The following CIZ1 variants were observed in gnomAD, a reference collection of about 807,000 sequenced individuals.
CIZ1 encodes the protein cip1-interacting zinc finger protein.
A neutral mutation model predicts 118.6 loss-of-function variants in CIZ1; 58 were observed. That is an observed-to-expected ratio of 0.49 (90% confidence interval 0.40 to 0.61). The LOEUF (loss-of-function observed/expected upper bound fraction) is 0.61, where lower values mean the gene tolerates loss of function less well. Ranked by LOEUF, CIZ1 falls within the 20% of genes least tolerant of loss-of-function variation. The pLI is 0.00. For synonymous variants in CIZ1, 448 were observed against 443.4 expected (o/e 1.01, Z -0.13); for missense variants, 921 against 1,115.9 (o/e 0.83, Z 2.49).
At chr9:128,170,526 G>A (rs1361970866) in intron 11 of CIZ1, among the ~76,000 whole-genome samples, 2 of 152,114 alleles carry the variant, frequency 1.3e-5, no homozygotes, top group African/African-American at 2.4e-5. Flanking sequence ...GGTGGCTCAT[G>A]CACCTGTGGT....
intron 7 of CIZ1, among the ~76,000 whole-genome samples, chr9:128,180,087 C>G (rs1163312132): frequency 6.6e-6 from 1 of 152,174 alleles, no homozygotes; most frequent in African/African-American, 2.4e-5. Flanking sequence ...TCGTTCTCAC[C>G]TCCCACAACT....
chr9:128,170,028 C>G lies in CIZ1; in HGVS notation c.2023G>C (p.Asp675His), dbSNP rs769352644. 1.2e-6 allele frequency: 2 copies of G among 1,613,406 alleles called. No individual in the cohort carries two copies. Among genetic ancestry groups the G allele is most frequent in the Non-Finnish European group, 1.7e-6 (2 of 1,179,832 alleles). Residue 675 changes from aspartate to histidine, a missense_variant, in exon 12 of 17, where the codon GAC becomes CAC. Asp to His is a moderately conservative substitution (Grantham distance 81). Coordinates refer to ENST00000372938, the MANE Select transcript of CIZ1 (RefSeq NM_001131016.2). ...GDLIQHRRTQ[D>H]HKIAKQSLRP... ...CGTGCAGGCCCTCCTACCTTGTGGT[C>G]CTGTGTCCTGCGGTGTTGGATCAGG...
At position 128,203,924 on chromosome 9, in the gene CIZ1, A is replaced by C; in HGVS notation, c.-6+262T>G. On this transcript the variant is annotated intron_variant, in intron 1 of 17. Coordinates refer to the CIZ1 transcript ENST00000372948. The surrounding 1 kb of genome is among the most constrained non-coding windows in gnomAD (Gnocchi z 5.3). Reference sequence around the variant, plus strand: ...AACGCTCTGCCAGAAGCCCCGGGCAAAGAGCTGCCCCCCGCCCCCAACATG... The same window carrying C: ...AACGCTCTGCCAGAAGCCCCGGGCACAGAGCTGCCCCCCGCCCCCAACATG... The C allele has an allele frequency of 5.1e-6, 1 of 196,870 alleles. No homozygotes were observed. The highest frequency in any genetic ancestry group is 1.0e-5 in the Non-Finnish European group (1 of 97,908). 12.2% of individuals were successfully genotyped at this position (196,870 alleles called of 1,614,324 possible).
Position 128,191,517 on chromosome 9 carries a change from CGG to C in CIZ1, c.-93_-92del. Reference sequence around the variant, plus strand: ...CCCCCACGCCTCGGCCGGGCGGCTCCGGCCCGCGGGCTCCCGGCCTCCCCGCT... The same window carrying C: ...CCCCCACGCCTCGGCCGGGCGGCTCCCCCGCGGGCTCCCGGCCTCCCCGCT... On this transcript the variant is annotated 5_prime_UTR_variant, in exon 1 of 17. Transcript: ENST00000372938. This position sits in a 1 kb window ranked among gnomAD's most constrained non-coding sequence, Gnocchi z 5.5. 1 of 1,011,262 alleles carries C rather than the reference CGG, an allele frequency of 9.9e-7. No homozygotes were observed. The highest frequency in any genetic ancestry group is 1.2e-6 in the Non-Finnish European group (1 of 846,916). 62.6% of individuals were successfully genotyped at this position (1,011,262 alleles called of 1,614,324 possible).
chr9:128,193,733 C>T (rs1833306084), upstream of CIZ1, among the ~76,000 whole-genome samples: 1 of 151,998 alleles, frequency 6.6e-6, no homozygotes, highest in African/African-American at 2.4e-5. Flanking sequence ...CAAAGACTGC[C>T]CAGGCTGCCA....
At chr9:128,187,747 C>A in intron 4 of CIZ1, 116 bp downstream of exon 4, 2 of 338,262 alleles carry the variant, frequency 5.9e-6, no homozygotes, top group Non-Finnish European at 1.1e-5. Flanking sequence ...ATAAAATGTT[C>A]AATTGCACTA....
At position 128,187,321 on chromosome 9, in the gene CIZ1, G is replaced by A. The variant is rs144692348; in HGVS notation, c.358+542C>T. Among the ~76,000 whole-genome samples, 1,410 of 152,304 alleles carry A rather than the reference G, an allele frequency of 9.3e-3. 25 individuals carry two copies. The highest frequency in any genetic ancestry group is 0.033 in the African/African-American group (1,353 of 41,564). ...CCCAGAGCTTGGGAAGTATTTAAGG[G>A]ATGAAAGGCAGTTGGAACTCTTGCC... On this transcript the variant is annotated intron_variant, in intron 4 of 16. Transcript: ENST00000372938.
Position 128,166,244 on chromosome 9 carries a change from G to T in CIZ1, c.2650C>A (p.Pro884Thr). 1 of 1,527,058 alleles carries T rather than the reference G, an allele frequency of 6.5e-7. No individual in the cohort carries two copies. The highest frequency in any genetic ancestry group is 8.8e-7 in the Non-Finnish European group (1 of 1,130,600). 94.6% of individuals were successfully genotyped at this position (1,527,058 alleles called of 1,614,324 possible). A position where few individuals can be genotyped will look rare whatever the true frequency, so the allele number is the denominator to read the frequency against. The stretch of plus-strand genomic sequence containing the variant: ...CGCCGAGGTAGTGGGGGCTGGGAGG[G>T]TCGAGCCGTCACCTTGCTGGGTGTT... ...DKTPSKVTAR[P>T]SQPPLPRRST... The change falls in exon 17 of 17, where the codon CCC becomes ACC. Residue 884 changes from proline (P) to threonine (T), a missense_variant. Coordinates refer to ENST00000372938, the MANE Select transcript of CIZ1 (RefSeq NM_001131016.2). This position sits in a 1 kb window ranked among gnomAD's most constrained non-coding sequence, Gnocchi z 4.4.
chr9:128,179,102 C>T lies in CIZ1; in HGVS notation c.1105G>A (p.Ala369Thr), dbSNP rs1256765756. 1 of 1,613,976 alleles carries T rather than the reference C, an allele frequency of 6.2e-7. No homozygotes were observed. Among genetic ancestry groups the T allele is most frequent in the Non-Finnish European group, 8.5e-7 (1 of 1,179,872 alleles). The change falls in exon 8 of 17, where the codon GCA becomes ACA. Residue 369 changes from alanine (A) to threonine (T), a missense_variant. Coordinates refer to ENST00000372938, the MANE Select transcript of CIZ1 (RefSeq NM_001131016.2). ...GGCTGCACCTGCTTCTGTGGCTCTG[C>T]CTCCTGCTGCAGCTGTGGCTGCACC... ...KQVQPQLQQE[A>T]EPQKQVQPQV... is the part of the protein sequence containing the mutation.
At position 128,166,140 on chromosome 9, in the gene CIZ1, C is replaced by G; in HGVS notation, c.*57G>C. ...CATGTCAAAGTTTCCAGGCAGACTCCTAAAAAGCATTAGCAGATCTGGACC... is the reference window on the plus strand; with the variant it reads ...CATGTCAAAGTTTCCAGGCAGACTCGTAAAAAGCATTAGCAGATCTGGACC... On this transcript the variant is annotated 3_prime_UTR_variant, in exon 17 of 17. Coordinates refer to ENST00000372938, the MANE Select transcript of CIZ1 (RefSeq NM_001131016.2). The surrounding 1 kb of genome is among the most constrained non-coding windows in gnomAD (Gnocchi z 4.4). 1 of 1,224,312 alleles carries G rather than the reference C, an allele frequency of 8.2e-7. No homozygotes were observed. The highest frequency in any genetic ancestry group is 1.1e-6 in the Non-Finnish European group (1 of 912,442). The allele number at this position is 1,224,312 out of a possible 1,614,324, so 75.8% of individuals were successfully genotyped here.
At chr9:128,176,243 G>A in intron 11 of CIZ1, 108 bp downstream of exon 11, 2 of 1,390,136 alleles carry the variant, frequency 1.4e-6, no homozygotes, top group Non-Finnish European at 9.9e-7. Flanking sequence ...GGCCTGGCTG[G>A]GGGTGCAGTG....
chr9:128,190,718 G>A lies in CIZ1; in HGVS notation c.140C>T (p.Pro47Leu), dbSNP rs1380665899. ...GACAGCCATGGGCAACGGGGCCTGTGGTGGGGACTGCTGGAGCAGCTGCTG... is the reference window on the plus strand; with the variant it reads ...GACAGCCATGGGCAACGGGGCCTGTAGTGGGGACTGCTGGAGCAGCTGCTG... ...QLQQLLQQSP[P>L]QAPLPMAVSR... Residue 47 changes from proline to leucine, a missense_variant, in exon 2 of 17, where the codon CCA becomes CTA. Coordinates refer to ENST00000372938, the MANE Select transcript of CIZ1 (RefSeq NM_001131016.2). 1 of 1,551,414 alleles carries A rather than the reference G, an allele frequency of 6.4e-7. No individual in the cohort carries two copies. Among genetic ancestry groups the A allele is most frequent in the South Asian group, 1.2e-5 (1 of 84,328 alleles).
In CIZ1 at chr9:128,178,680, A is replaced by G. The variant is rs753667213; in HGVS notation, c.1498+29T>C. The G allele has an allele frequency of 2.5e-6, 4 of 1,599,422 alleles. No homozygotes were observed. The Admixed American group carries it at 6.7e-5, about 27-fold the overall frequency. ...GTCTGGGCAGAGCTGTCCCATCACC[A>G]GACCAGCTGGGAGCCAGTGCTCACT... On this transcript the variant is annotated intron_variant, in intron 8 of 16. Transcript: ENST00000372938.
intron 1 of CIZ1, 131 bp from the exon 2 acceptor site, chr9:128,190,993 GTCCTGCCAAGA>G: frequency 7.7e-7 from 1 of 1,302,400 alleles, no homozygotes; most frequent in Middle Eastern, 2.7e-4. Flanking sequence ...TGCATTCCCA[GTCCTGCCAAGA>G]GCCTGCCACA....
Position 128,166,575 on chromosome 9 carries a change from A to C in CIZ1, c.2488-169T>G. The C allele has an allele frequency of 1.1e-6, 1 of 944,914 alleles. No individual in the cohort carries two copies. The highest frequency in any genetic ancestry group is 2.6e-5 in the East Asian group (1 of 38,252). The allele number at this position is 944,914 out of a possible 1,614,324, so 58.5% of individuals were successfully genotyped here. On this transcript the variant is annotated intron_variant, in intron 16 of 16. Transcript: ENST00000372938. This position sits in a 1 kb window ranked among gnomAD's most constrained non-coding sequence, Gnocchi z 4.4. ...CTCTGGAGCTAACAGCCTGGCACTCAGCATCCCCTTGAACAATAAGAGCCC... is the reference window on the plus strand; with the variant it reads ...CTCTGGAGCTAACAGCCTGGCACTCCGCATCCCCTTGAACAATAAGAGCCC...
At position 128,203,370 on chromosome 9, in the gene CIZ1, G is replaced by T; in HGVS notation, c.-6+816C>A. 5 of 1,165,192 alleles carry T rather than the reference G, an allele frequency of 4.3e-6. No homozygotes were observed. The highest frequency in any genetic ancestry group is 5.4e-6 in the Non-Finnish European group (5 of 921,892). The allele number at this position is 1,165,192 out of a possible 1,614,324, so 72.2% of individuals were successfully genotyped here. On this transcript the variant is annotated intron_variant, in intron 1 of 17. Transcript: ENST00000372948. The surrounding 1 kb of genome is among the most constrained non-coding windows in gnomAD (Gnocchi z 5.3). Reference sequence around the variant, plus strand: ...GATCCCCGAGGGGCGGGGGCCCCGCGGCGCAGGCAGTCTGGGCGCGCGGCT... The same window carrying T: ...GATCCCCGAGGGGCGGGGGCCCCGCTGCGCAGGCAGTCTGGGCGCGCGGCT...
At chr9:128,188,049 CA>C (rs34003070) in intron 3 of CIZ1, 115 bp from the exon 4 acceptor site, 101 of 22,310 alleles carry the variant, frequency 4.5e-3, no homozygotes, top group South Asian at 6.1e-3. Flanking sequence ...CTTAAAACAG[CA>C]AAAAAAAAAA....
intron 14 of CIZ1, among the ~76,000 whole-genome samples, chr9:128,168,468 ATCGCAC>A (rs888513634): frequency 9.3e-5 from 14 of 150,886 alleles, no homozygotes; most frequent in African/African-American, 3.4e-4. Context: ...GTGAGCTGAG[ATCGCAC>A]CATTGTACTC....
In CIZ1 at chr9:128,178,480, C is replaced by G; in HGVS notation, c.1509G>C (p.Lys503Asn). ...GGGTGCCCACAGGCTCTGGCAAGGTCTTTTCCATGCCTGAAATGACAGATG... is the reference window on the plus strand; with the variant it reads ...GGGTGCCCACAGGCTCTGGCAAGGTGTTTTCCATGCCTGAAATGACAGATG... ...DAVEAGGGME[K>N]TLPEPVGTQV... Residue 503 changes from lysine to asparagine, a missense_variant, in exon 9 of 17, where the codon AAG becomes AAC. Physicochemically the swap from Lys to Asn is moderately conservative, Grantham distance 94 (BLOSUM62 0). Transcript: ENST00000372938. The G allele has an allele frequency of 6.2e-7, 1 of 1,614,220 alleles. No individual in the cohort carries two copies. The highest frequency in any genetic ancestry group is 1.1e-5 in the South Asian group (1 of 91,088).
Sources: gnomAD v4.1 joint callset for allele counts (sites outside exome capture counted in the v4.1 genomes callset) on GRCh38, gnomAD v4.1.1 for gene constraint, Gnocchi (gnomAD v3.1) non-coding constraint, MANE v1.5 for transcripts, NCBI Gene and HGNC (gene_info 2026-07-23, HGNC 2026-07-21) for gene names.